The following CADM1 variants were observed in gnomAD, a reference collection of about 807,000 sequenced individuals.
The protein encoded by CADM1 is TSLC-1.
A neutral mutation model predicts 53.1 loss-of-function variants in CADM1; 15 were observed. The ratio of observed to expected loss-of-function variants is 0.28; its 90% confidence interval spans 0.19 to 0.44. The LOEUF (loss-of-function observed/expected upper bound fraction) is 0.44, where lower values mean the gene tolerates loss of function less well. Among genes scored for constraint, CADM1 ranks in the 20% least tolerant of loss-of-function variants. The probability of loss-of-function intolerance (pLI) is 1.00; values close to 1 mark genes in which losing one functional copy is unlikely to be tolerated. For missense variants in CADM1, 434 were observed against 611.3 expected, an observed-to-expected ratio of 0.71 and a Z score of 3.06; for synonymous variants, 281 against 243.0, an observed-to-expected ratio of 1.16 and a Z score of -1.45.
chr11:115,256,078 T>A (rs570411162), intron 1 of CADM1, among the ~76,000 whole-genome samples: 2 of 152,066 alleles, frequency 1.3e-5, no homozygotes, highest in African/African-American at 4.8e-5. Flanking sequence ...ATTAGGCCAG[T>A]GAAGACAAAA....
intron 1 of CADM1, among the ~76,000 whole-genome samples, chr11:115,381,452 C>T (rs1416750746): frequency 3.9e-5 from 6 of 152,112 alleles, no homozygotes. Context: ...ACAAGGTTAA[C>T]CCACTAATCA....
chr11:115,431,803 G>A (rs1948059312), intron 1 of CADM1, among the ~76,000 whole-genome samples: 1 of 151,992 alleles, frequency 6.6e-6, no homozygotes, highest in Non-Finnish European at 1.5e-5. Flanking sequence ...TACCTGATCA[G>A]ATCAAATGCT....
At position 115,192,916 on chromosome 11, in the gene CADM1, T is replaced by C. The variant is rs573990876; in HGVS notation, c.1112-1975A>G. Among the ~76,000 whole-genome samples, 37 of 152,216 alleles carry C rather than the reference T, an allele frequency of 2.4e-4. 1 individual carries two copies. Among genetic ancestry groups the C allele is most frequent in the Non-Finnish European group, 4.7e-4 (32 of 68,038 alleles). On this transcript the variant is annotated intron_variant, in intron 9 of 11. Coordinates refer to ENST00000331581, the MANE Select transcript of CADM1 (RefSeq NM_001301043.2). Reference sequence around the variant, plus strand: ...TCTGGAATCTACTGCTCGGATTACGTTCTAAAGCAGGAAGCCATTTAGGCT... The same window carrying C: ...TCTGGAATCTACTGCTCGGATTACGCTCTAAAGCAGGAAGCCATTTAGGCT...
chr11:115,301,897 T>C (rs1944232191), intron 1 of CADM1, among the ~76,000 whole-genome samples: 1 of 152,150 alleles, frequency 6.6e-6, no homozygotes, highest in Non-Finnish European at 1.5e-5. Context: ...AGAATTGTTC[T>C]GTGTCTTGAG....
In CADM1 at chr11:115,372,510, G is replaced by A. The variant is rs1271538282; in HGVS notation, c.124+131761C>T. ...GAAGTTCCATTTTGCATCATAAATT[G>A]AGAATTTCTTTGCCTCCCTCTCAAG... On this transcript the variant is annotated intron_variant, in intron 1 of 11. Coordinates refer to ENST00000331581, the MANE Select transcript of CADM1 (RefSeq NM_001301043.2). Among the ~76,000 whole-genome samples, 5 of 152,186 alleles carry A rather than the reference G, an allele frequency of 3.3e-5. No individual in the cohort carries two copies. In the East Asian group the frequency reaches 7.7e-4, roughly 24 times the overall value.
Position 115,504,256 on chromosome 11 carries a change from G to A in CADM1, c.124+15C>T, listed in dbSNP as rs1414576339. 2 of 1,570,504 alleles carry A rather than the reference G, an allele frequency of 1.3e-6. No individual in the cohort carries two copies. Among genetic ancestry groups the A allele is most frequent in the Non-Finnish European group, 8.6e-7 (1 of 1,158,526 alleles). The stretch of plus-strand genomic sequence containing the variant: ...TCGGAGATTTAGGGGCCAACCGGTC[G>A]GTGCCCACACCTACCTGTGGGGATC... On this transcript the variant is annotated intron_variant, in intron 1 of 11. Coordinates refer to ENST00000331581, the MANE Select transcript of CADM1 (RefSeq NM_001301043.2).
chr11:115,419,150 G>A (rs1947690624), intron 1 of CADM1, among the ~76,000 whole-genome samples: 1 of 152,166 alleles, frequency 6.6e-6, no homozygotes, highest in African/African-American at 2.4e-5. Context: ...CCACTTAGAA[G>A]TTTTTATACT....
At chr11:115,434,942 C>T (rs1202976385) in intron 1 of CADM1, among the ~76,000 whole-genome samples, 7 of 148,922 alleles carry the variant, frequency 4.7e-5, no homozygotes, top group African/African-American at 1.7e-4. Context: ...CTCAACACAA[C>T]TTCCGCTTCC....
intron 1 of CADM1, among the ~76,000 whole-genome samples, chr11:115,440,433 C>T (rs1378751588): frequency 2.6e-5 from 4 of 152,134 alleles, no homozygotes; most frequent in Non-Finnish European, 5.9e-5. Context: ...TAAATACTTC[C>T]GGAAATATTT....
chr11:115,447,705 G>C (rs1157141872), intron 1 of CADM1, among the ~76,000 whole-genome samples: 1 of 152,108 alleles, frequency 6.6e-6, no homozygotes, highest in Non-Finnish European at 1.5e-5. Flanking sequence ...GTGGCTGGTA[G>C]CTTTGCTGGC....
intron 1 of CADM1, among the ~76,000 whole-genome samples, chr11:115,411,333 A>G (rs1947455337): frequency 6.6e-6 from 1 of 152,240 alleles, no homozygotes; most frequent in African/African-American, 2.4e-5. Context: ...CCCATTTAAC[A>G]CAATCTGTAC....
chr11:115,502,206 T>A (rs1011149582), intron 1 of CADM1, among the ~76,000 whole-genome samples: 2 of 152,086 alleles, frequency 1.3e-5, no homozygotes, highest in Non-Finnish European at 2.9e-5. Flanking sequence ...GTGCCTTCAA[T>A]GAGCAGTCTT....
At chr11:115,201,922 G>A (rs1338903647) in intron 8 of CADM1, among the ~76,000 whole-genome samples, 1 of 152,154 alleles carries the variant, frequency 6.6e-6, no homozygotes, top group Admixed American at 6.5e-5. Flanking sequence ...CCCATTAAGT[G>A]TGTACGGTCT....
At chr11:115,240,232 G>T in intron 2 of CADM1, 42 bp downstream of exon 2, 1 of 1,599,420 alleles carries the variant, frequency 6.3e-7, no homozygotes, top group Non-Finnish European at 8.6e-7. Flanking sequence ...CAACATGTAG[G>T]TAAAAAAGTT....
At chr11:115,422,819 A>T (rs1025649821) in intron 1 of CADM1, among the ~76,000 whole-genome samples, 1 of 152,212 alleles carries the variant, frequency 6.6e-6, no homozygotes, top group Non-Finnish European at 1.5e-5. Flanking sequence ...CCTGTCAGGA[A>T]ACTGACTGCT....
At chr11:115,336,543 T>C (rs1205428247) in intron 1 of CADM1, among the ~76,000 whole-genome samples, 2 of 152,218 alleles carry the variant, frequency 1.3e-5, no homozygotes, top group Non-Finnish European at 2.9e-5. Context: ...TGAGTACCCT[T>C]ATTTAATTTT....
chr11:115,368,110 CTTTTTTTTTTTTTTTTTT>C (rs58589028), intron 1 of CADM1, among the ~76,000 whole-genome samples: 2 of 61,866 alleles, frequency 3.2e-5, no homozygotes, highest in Non-Finnish European at 5.5e-5. Context: ...TCACTAGAGT[CTTTTTTTTTTTTTTTTTT>C]TTTTTTTTTT....
chr11:115,415,171 T>C (rs1947561515), intron 1 of CADM1, among the ~76,000 whole-genome samples: 1 of 152,216 alleles, frequency 6.6e-6, no homozygotes, highest in Non-Finnish European at 1.5e-5. Context: ...TTTTCATACC[T>C]GGAAAGTGAA....
At position 115,176,439 on chromosome 11, in the gene CADM1, C is replaced by A. The variant is rs1007863480; in HGVS notation, c.*35G>T. ...CTGTCTCTTTATCATCTAAATAGGG[C>A]CAGTTGGACACCTCATTGAAACAAA... On this transcript the variant is annotated 3_prime_UTR_variant, in exon 12 of 12. Coordinates refer to ENST00000331581, the MANE Select transcript of CADM1 (RefSeq NM_001301043.2). The A allele has an allele frequency of 6.2e-7, 1 of 1,612,084 alleles. No individual in the cohort carries two copies. Among genetic ancestry groups the A allele is most frequent in the Non-Finnish European group, 8.5e-7 (1 of 1,178,810 alleles).
Sources: gnomAD v4.1 joint callset for allele counts (sites outside exome capture counted in the v4.1 genomes callset) on GRCh38, gnomAD v4.1.1 for gene constraint, MANE v1.5 for transcripts, NCBI Gene and HGNC (gene_info 2026-07-23, HGNC 2026-07-21) for gene names.